CTNND2: variants seen among roughly 807,000 people sequenced by gnomAD.
The protein encoded by CTNND2 is catenin delta 2.
CTNND2 carries 22 observed loss-of-function variants against 144.4 expected under a neutral mutation model. The ratio of observed to expected loss-of-function variants is 0.15; its 90% CI spans 0.11 to 0.22. CTNND2 has a LOEUF of 0.22. CTNND2 is among the 10% of genes least tolerant of loss of function. The pLI is 1.00. For synonymous variants in CTNND2, 751 were observed against 695.6 expected (o/e 1.08, Z -1.25); for missense variants, 1,353 against 1,618.8 (o/e 0.84, Z 2.82).
At chr5:11,381,898 C>T (rs1371977307) in intron 7 of CTNND2, among the ~76,000 whole-genome samples, 1 of 152,044 alleles carries the variant, frequency 6.6e-6, no homozygotes, top group African/African-American at 2.4e-5. Flanking sequence ...ACCTGGGAGG[C>T]GGAGCTGATA....
intron 11 of CTNND2, among the ~76,000 whole-genome samples, chr5:11,195,490 G>A (rs1423604783): frequency 6.6e-6 from 1 of 152,120 alleles, no homozygotes; most frequent in Non-Finnish European, 1.5e-5. Context: ...ATTCTGGAAG[G>A]GACTTCTATG....
At chr5:11,241,619 C>T (rs772904798) in intron 9 of CTNND2, among the ~76,000 whole-genome samples, 3 of 152,214 alleles carry the variant, frequency 2.0e-5, no homozygotes, top group Non-Finnish European at 4.4e-5. Flanking sequence ...AGAGCACCCT[C>T]CAGCAGAAAG....
intron 3 of CTNND2, among the ~76,000 whole-genome samples, chr5:11,520,687 C>A (rs1026746074): frequency 9.2e-5 from 14 of 152,212 alleles, no homozygotes; most frequent in African/African-American, 3.1e-4. Context: ...GGCCCTCATC[C>A]AGGCATTTGG....
At chr5:11,245,052 G>A (rs1742855026) in intron 9 of CTNND2, among the ~76,000 whole-genome samples, 1 of 152,190 alleles carries the variant, frequency 6.6e-6, no homozygotes, top group Non-Finnish European at 1.5e-5. Context: ...TATAAACACA[G>A]GGTCAGCATT....
At chr5:11,599,269 T>C (rs568263133) in intron 2 of CTNND2, among the ~76,000 whole-genome samples, 1 of 152,268 alleles carries the variant, frequency 6.6e-6, no homozygotes, top group East Asian at 1.9e-4. Context: ...ACTTAGGCAG[T>C]TCATGATAAC....
intron 3 of CTNND2, among the ~76,000 whole-genome samples, chr5:11,417,149 G>T (rs1260170544): frequency 2.0e-5 from 3 of 152,116 alleles, no homozygotes; most frequent in Non-Finnish European, 2.9e-5. Context: ...TTTGAGAAAG[G>T]TAATATTTTC....
At position 11,903,541 on chromosome 5, in the gene CTNND2, G is replaced by A. The variant is rs1738078580; in HGVS notation, c.37+276C>T. Reference sequence around the variant, plus strand: ...GTTGCCCTAAATACGCTTCCTCCCGGGGAGATGGGTGGCAGGGAGGGGGAG... The same window carrying A: ...GTTGCCCTAAATACGCTTCCTCCCGAGGAGATGGGTGGCAGGGAGGGGGAG... On this transcript the variant is annotated intron_variant, in intron 1 of 21. Coordinates refer to ENST00000304623, the MANE Select transcript of CTNND2 (RefSeq NM_001332.4). This position sits in a 1 kb window ranked among gnomAD's most constrained non-coding sequence, Gnocchi z 5.4. Among the ~76,000 whole-genome samples the A allele has an allele frequency of 6.6e-6, 1 of 152,102 alleles. No individual in the cohort carries two copies. Among genetic ancestry groups the A allele is most frequent in the Non-Finnish European group, 1.5e-5 (1 of 68,010 alleles).
intron 16 of CTNND2, among the ~76,000 whole-genome samples, chr5:11,052,792 C>A (rs1745970280): frequency 6.6e-6 from 1 of 151,992 alleles, no homozygotes; most frequent in African/African-American, 2.4e-5. Context: ...ACTAGAAACT[C>A]AAGCAGATAA....
At chr5:11,378,431 C>T (rs1204753103) in intron 7 of CTNND2, among the ~76,000 whole-genome samples, 1 of 152,152 alleles carries the variant, frequency 6.6e-6, no homozygotes, top group Non-Finnish European at 1.5e-5. Context: ...AGCAAGTCAG[C>T]CTTAACCACC....
At chr5:11,515,087 A>G (rs1019612942) in intron 3 of CTNND2, among the ~76,000 whole-genome samples, 4 of 150,560 alleles carry the variant, frequency 2.7e-5, no homozygotes, top group African/African-American at 9.9e-5. Flanking sequence ...AACAAACGAA[A>G]ACATGCATCC....
intron 9 of CTNND2, among the ~76,000 whole-genome samples, chr5:11,256,527 T>C (rs1391312439): frequency 2.0e-5 from 3 of 152,212 alleles, no homozygotes; most frequent in African/African-American, 7.2e-5. Flanking sequence ...TCTTTGCATA[T>C]AGTAGATATT....
intron 11 of CTNND2, among the ~76,000 whole-genome samples, chr5:11,196,101 C>T (rs61751796): frequency 0.013 from 2,006 of 152,202 alleles, 47 homozygotes; most frequent in African/African-American, 0.046. Context: ...TATCATTGTT[C>T]AAATTGTTTG....
At chr5:11,145,762 C>T (rs540626969) in intron 12 of CTNND2, among the ~76,000 whole-genome samples, 5 of 152,238 alleles carry the variant, frequency 3.3e-5, no homozygotes, top group East Asian at 1.9e-4. Context: ...ACGCAGTCTA[C>T]GAAAATCAAG....
chr5:11,176,815 C>G (rs896599403), intron 11 of CTNND2, among the ~76,000 whole-genome samples: 7 of 152,054 alleles, frequency 4.6e-5, no homozygotes, highest in Admixed American at 4.6e-4. Context: ...GCTATTTATT[C>G]CAATCTATCA....
chr5:11,351,197 A>G (rs1755305705), intron 8 of CTNND2, among the ~76,000 whole-genome samples: 1 of 152,156 alleles, frequency 6.6e-6, no homozygotes, highest in African/African-American at 2.4e-5. Flanking sequence ...TTTAAAGCTC[A>G]GTTGACCAAA....
intron 12 of CTNND2, among the ~76,000 whole-genome samples, chr5:11,139,344 G>A (rs113003015): frequency 0.013 from 1,945 of 152,294 alleles, 30 homozygotes; most frequent in African/African-American, 0.044. Flanking sequence ...AGCATACTGC[G>A]TGTTAGAGTT....
intron 9 of CTNND2, among the ~76,000 whole-genome samples, chr5:11,333,158 C>T (rs951111243): frequency 2.0e-5 from 3 of 152,216 alleles, no homozygotes; most frequent in African/African-American, 7.2e-5. Context: ...AATTTCCTCC[C>T]TTCTTACAGC....
intron 2 of CTNND2, among the ~76,000 whole-genome samples, chr5:11,698,209 C>T (rs1431068325): frequency 1.3e-5 from 2 of 152,116 alleles, no homozygotes; most frequent in African/African-American, 4.8e-5. Context: ...AACAATACTC[C>T]CCAACCAAGC....
chr5:11,240,219 C>T lies in CTNND2; in HGVS notation c.1629-3396G>A, dbSNP rs538503168. Among the ~76,000 whole-genome samples the T allele has an allele frequency of 2.2e-4, 30 of 134,316 alleles. 1 individual carries two copies. Among genetic ancestry groups the T allele is most frequent in the Admixed American group, 1.1e-3 (15 of 13,222 alleles). 88.1% of individuals were successfully genotyped at this position (134,316 alleles called of 152,430 possible). On this transcript the variant is annotated intron_variant, in intron 9 of 21. Coordinates refer to ENST00000304623, the MANE Select transcript of CTNND2 (RefSeq NM_001332.4). Reference sequence around the variant, plus strand: ...CACACACACACACCCCCAACACACACACCCAACACACACACACCAACACAC... The same window carrying T: ...CACACACACACACCCCCAACACACATACCCAACACACACACACCAACACAC...
Sources: gnomAD v4.1 joint callset for allele counts (sites outside exome capture counted in the v4.1 genomes callset) on GRCh38, gnomAD v4.1.1 for gene constraint, Gnocchi (gnomAD v3.1) non-coding constraint, MANE v1.5 for transcripts, NCBI Gene and HGNC (gene_info 2026-07-23, HGNC 2026-07-21) for gene names.